Variants in MAGI3 observed in about 807,000 individuals in gnomAD.
MAGI3 encodes membrane-associated guanylate kinase, WW and PDZ domain-containing protein 3.
A neutral mutation model predicts 121.8 loss-of-function variants in MAGI3; 43 were observed. The observed-to-expected ratio is 0.35, with a 90% CI of 0.28 to 0.46. The LOEUF is 0.46. Ranked by LOEUF, MAGI3 falls within the 20% of genes least tolerant of loss-of-function variation. MAGI3 has a pLI of 1.00. For missense variants in MAGI3, 1,547 were observed against 1,797.3 expected, an observed-to-expected ratio of 0.86 and a Z score of 2.52; for synonymous variants, 553 against 639.3, an observed-to-expected ratio of 0.86 and a Z score of 2.04.
In MAGI3 at chr1:113,440,026, T is replaced by G. The variant is rs78186175; in HGVS notation, c.316+48677T>G. Among the ~76,000 whole-genome samples the G allele has an allele frequency of 3.9e-3, 591 of 151,578 alleles. 5 individuals are homozygous for G. Among genetic ancestry groups the G allele is most frequent in the African/African-American group, 0.013 (556 of 41,358 alleles). On this transcript the variant is annotated intron_variant, in intron 1 of 20. Coordinates refer to ENST00000307546, the MANE Select transcript of MAGI3 (RefSeq NM_001142782.2). ...GACATCATACAGACCTGGATTTGAG[T>G]TCTAGTTTACCATTTAACTAATGTT...
intron 9 of MAGI3, among the ~76,000 whole-genome samples, chr1:113,640,924 T>G (rs61819457): frequency 2.1e-4 from 24 of 116,784 alleles, no homozygotes; most frequent in African/African-American, 8.1e-4. Flanking sequence ...TATGATATAT[T>G]TTATATATCA....
At chr1:113,592,207 T>C (rs1648732114) in intron 5 of MAGI3, among the ~76,000 whole-genome samples, 1 of 152,162 alleles carries the variant, frequency 6.6e-6, no homozygotes, top group South Asian at 2.1e-4. Flanking sequence ...ATGTAGAATA[T>C]AGTTAAATAT....
intron 2 of MAGI3, among the ~76,000 whole-genome samples, chr1:113,579,933 A>G (rs1315738616): frequency 6.6e-6 from 1 of 151,972 alleles, no homozygotes. Flanking sequence ...ATTTGAAATG[A>G]CATTGTGTAA....
intron 16 of MAGI3, among the ~76,000 whole-genome samples, chr1:113,660,449 C>T (rs1653720141): frequency 6.6e-6 from 1 of 152,076 alleles, no homozygotes; most frequent in South Asian, 2.1e-4. Context: ...AGCTGGGCCT[C>T]ACTGGCCTCT....
intron 5 of MAGI3, 50 bp from the exon 6 acceptor site, chr1:113,594,430 AT>A (rs770062392): frequency 5.6e-6 from 8 of 1,424,408 alleles, no homozygotes; most frequent in Non-Finnish European, 7.8e-6. Context: ...TTTTGAAATA[AT>A]TTTCTCCTCC....
At position 113,547,707 on chromosome 1, in the gene MAGI3, G is replaced by A. The variant is rs183885440; in HGVS notation, c.317-1808G>A. On this transcript the variant is annotated intron_variant, in intron 1 of 20. Coordinates refer to ENST00000307546, the MANE Select transcript of MAGI3 (RefSeq NM_001142782.2). The stretch of plus-strand genomic sequence containing the variant: ...TATAAATTAGCATTTTATTCTATCC[G>A]GTGATGAATAGTATACTGTATGATT... Among the ~76,000 whole-genome samples, 418 of 152,002 alleles carry A rather than the reference G, an allele frequency of 2.7e-3. 1 individual carries two copies. Among genetic ancestry groups the A allele is most frequent in the African/African-American group, 8.5e-3 (353 of 41,448 alleles).
At chr1:113,651,363 C>T (rs980019835) in intron 14 of MAGI3, among the ~76,000 whole-genome samples, 157 bp downstream of exon 14, 1 of 152,138 alleles carries the variant, frequency 6.6e-6, no homozygotes, top group African/African-American at 2.4e-5. Flanking sequence ...GCTATGCAAA[C>T]ACAAAAGGAT....
chr1:113,682,458 C>A, intron 20 of MAGI3: 1 of 1,364,580 alleles, frequency 7.3e-7, no homozygotes. Flanking sequence ...TTACAAATGC[C>A]CATGAGCCTC....
intron 1 of MAGI3, among the ~76,000 whole-genome samples, chr1:113,457,742 T>C (rs1654828517): frequency 6.6e-6 from 1 of 152,118 alleles, no homozygotes; most frequent in South Asian, 2.1e-4. Flanking sequence ...CTGATAAATA[T>C]AGAGAAGATA....
intron 20 of MAGI3, chr1:113,682,592 G>GTT (rs1648287154): frequency 1.0e-6 from 1 of 984,866 alleles, no homozygotes. Context: ...TTTATAACTT[G>GTT]TAAGTTCTAA....
intron 6 of MAGI3, among the ~76,000 whole-genome samples, chr1:113,600,784 A>G (rs1649320398): frequency 6.6e-6 from 1 of 152,326 alleles, no homozygotes; most frequent in South Asian, 2.1e-4. Flanking sequence ...AGCCAAAAGA[A>G]CAAAGCTGGA....
intron 4 of MAGI3, among the ~76,000 whole-genome samples, chr1:113,587,902 C>T (rs1271912774): frequency 6.6e-6 from 1 of 152,126 alleles, no homozygotes; most frequent in African/African-American, 2.4e-5. Context: ...ATTTTTTCTG[C>T]ATACAAAATA....
At chr1:113,428,347 C>T (rs559045938) in intron 1 of MAGI3, among the ~76,000 whole-genome samples, 1 of 152,216 alleles carries the variant, frequency 6.6e-6, no homozygotes, top group East Asian at 1.9e-4. Flanking sequence ...CATTTTTTCC[C>T]CATATGGATT....
intron 1 of MAGI3, among the ~76,000 whole-genome samples, chr1:113,504,528 G>A (rs2101599997): frequency 6.6e-6 from 1 of 152,188 alleles, no homozygotes; most frequent in Middle Eastern, 3.4e-3. Flanking sequence ...ACATGCATAA[G>A]GTTGTCAAAG....
chr1:113,635,285 G>C lies in MAGI3; in HGVS notation c.1361-6626G>C, dbSNP rs1221209169. ...TATGTTGAATAGGAGTGGTGAGAGA[G>C]GGCATCCCTGTCTTGGCGAGTTTTC... is the stretch of plus-strand genomic sequence containing the variant. On this transcript the variant is annotated intron_variant, in intron 9 of 20. Coordinates refer to ENST00000307546, the MANE Select transcript of MAGI3 (RefSeq NM_001142782.2). Among the ~76,000 whole-genome samples, 5 of 152,206 alleles carry C rather than the reference G, an allele frequency of 3.3e-5. No homozygotes were observed. In the South Asian group the frequency reaches 1.0e-3, roughly 32 times the overall value.
chr1:113,538,850 T>C (rs1310013797), intron 1 of MAGI3, among the ~76,000 whole-genome samples: 1 of 152,222 alleles, frequency 6.6e-6, no homozygotes, highest in Non-Finnish European at 1.5e-5. Context: ...GAAAATAATA[T>C]TTATTTTGAA....
intron 1 of MAGI3, among the ~76,000 whole-genome samples, chr1:113,529,491 A>C (rs1416571008): frequency 6.6e-6 from 1 of 152,178 alleles, no homozygotes; most frequent in Non-Finnish European, 1.5e-5. Flanking sequence ...CTCTGTCCTC[A>C]TGATCTAATC....
At chr1:113,433,551 G>T (rs1653409258) in intron 1 of MAGI3, among the ~76,000 whole-genome samples, 1 of 152,092 alleles carries the variant, frequency 6.6e-6, no homozygotes. Flanking sequence ...AAGGAATTTA[G>T]AATCCTGTTA....
Position 113,492,780 on chromosome 1 carries a change from G to A in MAGI3, c.317-56735G>A, listed in dbSNP as rs148410627. Among the ~76,000 whole-genome samples, 834 of 152,188 alleles carry A rather than the reference G, an allele frequency of 5.5e-3. 10 individuals are homozygous for A. Among genetic ancestry groups the A allele is most frequent in the African/African-American group, 0.019 (786 of 41,532 alleles). The stretch of plus-strand genomic sequence containing the variant: ...TCCAGCTGAGAACCAAATCAGGAAT[G>A]TAATCCCATTCACAATTGCCACAAA... On this transcript the variant is annotated intron_variant, in intron 1 of 20. Transcript: ENST00000307546.
Sources: gnomAD v4.1 joint callset for allele counts (sites outside exome capture counted in the v4.1 genomes callset) on GRCh38, gnomAD v4.1.1 for gene constraint, MANE v1.5 for transcripts, NCBI Gene and HGNC (gene_info 2026-07-23, HGNC 2026-07-21) for gene names.